The following CA1 variants were observed in gnomAD, a reference collection of about 807,000 sequenced individuals.
CA1 encodes the protein carbonate dehydratase I.
A neutral mutation model predicts 28.8 loss-of-function variants in CA1; 27 were observed. That is an observed-to-expected ratio of 0.94 (90% CI 0.69 to 1.29). The LOEUF (loss-of-function observed/expected upper bound fraction) is 1.29. Ranked by LOEUF, CA1 falls within the 50% of genes most tolerant of loss-of-function variation. The pLI is 0.00. For synonymous variants in CA1, 121 were observed against 108.8 expected (o/e 1.11, Z -0.70); for missense variants, 335 against 310.5 (o/e 1.08, Z -0.59).
In CA1 at chr8:85,338,433, G is replaced by T. The variant is rs1481866285; in HGVS notation, c.54C>A (p.Ser18Arg). The T allele has an allele frequency of 1.2e-6, 2 of 1,613,730 alleles. No homozygotes were observed. The highest frequency in any genetic ancestry group is 1.7e-6 in the Non-Finnish European group (2 of 1,179,710). The change falls in exon 3 of 8, where the codon AGC (serine) becomes AGA (arginine). Residue 18 changes from serine to arginine, a missense_variant. Physicochemically the swap from Ser to Arg is moderately radical, Grantham distance 110 (BLOSUM62 -1). Coordinates refer to ENST00000523022, the MANE Select transcript of CA1 (RefSeq NM_001128831.4). ...YDDKNGPEQW[S>R]KLYPIANGNN... ...TTCCATTGGCAATGGGATACAGCTT[G>T]CTCCATTGTTCAGGACCTACCAGGA...
At chr8:85,364,498 A>G (rs1809928797) in intron 1 of CA1, among the ~76,000 whole-genome samples, 1 of 152,200 alleles carries the variant, frequency 6.6e-6, no homozygotes. Flanking sequence ...ATAATCAAAC[A>G]CTTTTGTTAA....
At chr8:85,341,497 A>G (rs976209158) in intron 2 of CA1, 102 bp downstream of exon 2, 7 of 787,324 alleles carry the variant, frequency 8.9e-6, no homozygotes, top group African/African-American at 6.9e-5. Context: ...CAGTTCAACA[A>G]TTAACCTATA....
At chr8:85,341,283 C>G in intron 2 of CA1, 2 of 256,458 alleles carry the variant, frequency 7.8e-6, no homozygotes, top group Non-Finnish European at 7.4e-6. Flanking sequence ...GTAAACATAA[C>G]TTGTAAATGC....
intron 2 of CA1, among the ~76,000 whole-genome samples, chr8:85,339,979 A>G (rs965205381): frequency 1.3e-5 from 2 of 152,192 alleles, no homozygotes; most frequent in African/African-American, 4.8e-5. Flanking sequence ...TCTCCATAAC[A>G]TGAAAGTGTG....
intron 1 of CA1, among the ~76,000 whole-genome samples, chr8:85,354,774 G>A (rs1809543485): frequency 6.6e-6 from 1 of 152,176 alleles, no homozygotes; most frequent in Admixed American, 6.5e-5. Context: ...AAGTTTGTGA[G>A]CACAGTCTTA....
At chr8:85,330,916 T>C (rs1808370680) in intron 6 of CA1, among the ~76,000 whole-genome samples, 1 of 152,154 alleles carries the variant, frequency 6.6e-6, no homozygotes, top group Non-Finnish European at 1.5e-5. Context: ...CTATGTTTTT[T>C]GTTTTGTTTG....
chr8:85,358,429 A>G (rs1173114635), intron 1 of CA1, among the ~76,000 whole-genome samples: 1 of 152,076 alleles, frequency 6.6e-6, no homozygotes, highest in Non-Finnish European at 1.5e-5. Context: ...GCATGTATTT[A>G]TTATATGCTT....
At chr8:85,341,791 A>T in intron 1 of CA1, 132 bp from the exon 2 acceptor site, 1 of 626,366 alleles carries the variant, frequency 1.6e-6, no homozygotes, top group Non-Finnish European at 2.9e-6. Flanking sequence ...ATCTCTGCTT[A>T]TCAGGAAGTA....
chr8:85,333,716 G>A, intron 4 of CA1, 96 bp from the exon 5 acceptor site: 3 of 782,946 alleles, frequency 3.8e-6, no homozygotes, highest in Non-Finnish European at 6.5e-6. Flanking sequence ...GATGTATCTT[G>A]GCTTAGATAC....
intron 1 of CA1, among the ~76,000 whole-genome samples, chr8:85,377,260 G>A (rs538449697): frequency 5.9e-5 from 9 of 152,116 alleles, no homozygotes; most frequent in Admixed American, 5.9e-4. Context: ...GCATAAATTT[G>A]GTTTATTACT....
At chr8:85,344,195 T>A (rs1809048084) in intron 1 of CA1, among the ~76,000 whole-genome samples, 2 of 111,282 alleles carry the variant, frequency 1.8e-5, no homozygotes, top group Admixed American at 9.3e-5. Context: ...TAATTATATA[T>A]TATACAGTAT....
At chr8:85,369,199 CTTAG>C (rs757358191) in intron 1 of CA1, among the ~76,000 whole-genome samples, 6 of 152,134 alleles carry the variant, frequency 3.9e-5, no homozygotes, top group Non-Finnish European at 7.3e-5. Context: ...TGTGAAAGCT[CTTAG>C]TTAGGGAAAC....
Position 85,328,421 on chromosome 8 carries a change from T to C in CA1, c.*139A>G. On this transcript the variant is annotated 3_prime_UTR_variant, in exon 8 of 8. Coordinates refer to ENST00000523022, the MANE Select transcript of CA1 (RefSeq NM_001128831.4). Reference sequence around the variant, plus strand: ...AGTAAGAACTAAAATTTAAGTTTCTTAGTTTTACAGATTGATTTGAAGGCA... The same window carrying C: ...AGTAAGAACTAAAATTTAAGTTTCTCAGTTTTACAGATTGATTTGAAGGCA... The C allele has an allele frequency of 1.8e-6, 1 of 561,166 alleles. No homozygotes were observed. The highest frequency in any genetic ancestry group is 3.2e-6 in the Non-Finnish European group (1 of 315,370). 34.8% of individuals were successfully genotyped at this position (561,166 alleles called of 1,614,324 possible). A position where few individuals can be genotyped will look rare whatever the true frequency, so the allele number is the denominator to read the frequency against.
At chr8:85,333,394 C>G (rs1381248786) in intron 5 of CA1, 131 bp downstream of exon 5, 4 of 648,824 alleles carry the variant, frequency 6.2e-6, no homozygotes, top group Non-Finnish European at 1.1e-5. Flanking sequence ...TATTTGTTCA[C>G]CTGTAGTCAT....
intron 1 of CA1, among the ~76,000 whole-genome samples, chr8:85,349,435 A>G (rs755201090): frequency 6.6e-6 from 1 of 152,244 alleles, no homozygotes; most frequent in South Asian, 2.1e-4. Flanking sequence ...TCAAACTAAC[A>G]GTAACTTTTT....
At chr8:85,354,090 A>G (rs534249687) in intron 1 of CA1, among the ~76,000 whole-genome samples, 58 of 150,812 alleles carry the variant, frequency 3.8e-4, no homozygotes, top group African/African-American at 1.4e-3. Context: ...CAGCCTCCCG[A>G]GTAGCTGGGA....
chr8:85,328,616 G>A lies in CA1; in HGVS notation c.730C>T (p.His244Tyr), dbSNP rs1808268479. 1.9e-6 allele frequency: 3 copies of A among 1,612,034 alleles called. No individual in the cohort carries two copies. The highest frequency in any genetic ancestry group is 2.5e-6 in the Non-Finnish European group (3 of 1,178,560). The part of the protein sequence containing the change: ...VEGDNAVPMQ[H>Y]NNRPTQPLKG... The stretch of plus-strand genomic sequence containing the variant: ...AGAGGTTGGGTTGGGCGGTTGTTGT[G>A]CTGCATGGGGACAGCGTTATCACCT... The change falls in exon 8 of 8, where the codon CAC becomes TAC. Residue 244 changes from histidine (H) to tyrosine (Y), a missense_variant. His to Tyr is a moderately conservative substitution (Grantham distance 83). Transcript: ENST00000523022.
chr8:85,329,715 C>G lies in CA1; in HGVS notation c.643G>C (p.Glu215Gln), dbSNP rs751837540. Residue 215 changes from glutamate (E) to glutamine (Q), a missense_variant, in exon 7 of 8, where the codon GAG (glutamate) becomes CAG (glutamine). Physicochemically the swap from Glu to Gln is conservative, Grantham distance 29 (BLOSUM62 2). Coordinates refer to ENST00000523022, the MANE Select transcript of CA1 (RefSeq NM_001128831.4). ...TGCTCTGAGCTGACACTGATGCTCT[C>G]CTTACAGATGATCCAAGTTACACTC... ...YESVTWIICKESISVSSEQLA... is the reference protein window; with the variant it reads ...YESVTWIICKQSISVSSEQLA... The G allele has an allele frequency of 1.9e-5, 31 of 1,610,952 alleles. No homozygotes were observed. The highest frequency in any genetic ancestry group is 2.6e-5 in the Non-Finnish European group (31 of 1,178,386).
chr8:85,355,844 G>A (rs931989687), intron 1 of CA1, among the ~76,000 whole-genome samples: 5 of 95,224 alleles, frequency 5.3e-5, no homozygotes, highest in African/African-American at 3.0e-4. Context: ...TAAATGGCAG[G>A]TCTAGTTTTT....
Sources: allele counts gnomAD v4.1 joint callset (sites outside exome capture counted in the v4.1 genomes callset), GRCh38; gene constraint gnomAD v4.1.1; transcripts MANE v1.5; gene names NCBI Gene and HGNC (gene_info 2026-07-23, HGNC 2026-07-21).